The following TBC1D14 variants were observed in gnomAD, a reference collection of about 807,000 sequenced individuals.
The protein encoded by TBC1D14 is TBC1 domain family member 14, also known as TBC1 domain family, member 14.
A neutral mutation model predicts 79.0 loss-of-function variants in TBC1D14; 26 were observed. That is an observed-to-expected ratio of 0.33 (90% CI 0.24 to 0.46). The LOEUF is 0.46. Ranked by LOEUF, TBC1D14 falls within the 20% of genes least tolerant of loss-of-function variation. The pLI is 1.00. For missense variants in TBC1D14, 769 were observed against 887.6 expected, an observed-to-expected ratio of 0.87 and a Z score of 1.70; for synonymous variants, 394 against 349.9, an observed-to-expected ratio of 1.13 and a Z score of -1.40.
intron 3 of TBC1D14, among the ~76,000 whole-genome samples, chr4:6,982,680 A>G (rs1577119003): frequency 1.3e-5 from 2 of 152,362 alleles, no homozygotes; most frequent in South Asian, 2.1e-4. Context: ...ATACGCATAT[A>G]GGTGAAATGA....
At chr4:7,015,533 C>T (rs1012196381) in intron 12 of TBC1D14, among the ~76,000 whole-genome samples, 2 of 152,082 alleles carry the variant, frequency 1.3e-5, no homozygotes, top group Non-Finnish European at 2.9e-5. Context: ...GAGAGGTCTA[C>T]GCAGCAGCAT....
chr4:6,986,363 G>A (rs1577123937), intron 3 of TBC1D14, among the ~76,000 whole-genome samples: 1 of 152,190 alleles, frequency 6.6e-6, no homozygotes, highest in Admixed American at 6.5e-5. Context: ...AGTATGGTAG[G>A]GGATGCTGAA....
At chr4:7,004,669 CAATA>C (rs1719999741) in intron 7 of TBC1D14, among the ~76,000 whole-genome samples, 171 bp from the exon 8 acceptor site, 1 of 152,174 alleles carries the variant, frequency 6.6e-6, no homozygotes, top group African/African-American at 2.4e-5. Context: ...TGTCTTTAAA[CAATA>C]AAATTACTTT....
At chr4:7,011,348 G>T (rs951149815) in intron 11 of TBC1D14, among the ~76,000 whole-genome samples, 5 of 142,816 alleles carry the variant, frequency 3.5e-5, no homozygotes, top group African/African-American at 1.3e-4. Flanking sequence ...ACAGTGGGGG[G>T]TAGGGTTTAC....
rs1326384526 is a variant in TBC1D14 at position 6,923,873 on chromosome 4, C to G, written c.484C>G (p.Leu162Val). Residue 162 changes from leucine to valine, a missense_variant, in exon 2 of 14, where the codon CTT (leucine) becomes GTT (valine). Leu to Val is a conservative substitution (Grantham distance 32, BLOSUM62 1). Coordinates refer to ENST00000409757, the MANE Select transcript of TBC1D14 (RefSeq NM_020773.3). ...TGTCTCCGTCTGCAGCGTGTCCAGT[C>G]TTGGGACAGAGCTGTCCACCACGCT... is the stretch of plus-strand genomic sequence containing the variant. ...DDVSVCSVSSLGTELSTTLSV... is the reference protein window; with the variant it reads ...DDVSVCSVSSVGTELSTTLSV... The G allele has an allele frequency of 6.2e-7, 1 of 1,614,170 alleles. No homozygotes were observed. The highest frequency in any genetic ancestry group is 8.5e-7 in the Non-Finnish European group (1 of 1,180,048).
chr4:6,917,668 G>A (rs933276310), intron 1 of TBC1D14, among the ~76,000 whole-genome samples: 4 of 152,142 alleles, frequency 2.6e-5, no homozygotes, highest in Non-Finnish European at 5.9e-5. Flanking sequence ...AGGGCCCTGT[G>A]TGTCGGCTTG....
In TBC1D14 at chr4:6,999,180, A is replaced by T; in HGVS notation, c.1141A>T (p.Ile381Phe). The change falls in exon 6 of 14, where the codon ATC becomes TTC. Residue 381 changes from isoleucine (I) to phenylalanine (F), a missense_variant. This residue lies in a region of TBC1D14 where 367 missense variants were observed against 494.4 expected (regional missense o/e 0.74). Coordinates refer to ENST00000409757, the MANE Select transcript of TBC1D14 (RefSeq NM_020773.3). ...CGCTGTGCTCACCTGGAATAATGAGATCTTACCTAACTGGGAAACAATGTA... is the reference window on the plus strand; with the variant it reads ...CGCTGTGCTCACCTGGAATAATGAGTTCTTACCTAACTGGGAAACAATGTA... The part of the protein sequence containing the change: ...GNAVLTWNNE[I>F]LPNWETMWCS... 6.2e-7 allele frequency: 1 copy of T among 1,613,974 alleles called. No homozygotes were observed. Among genetic ancestry groups the T allele is most frequent in the Non-Finnish European group, 8.5e-7 (1 of 1,179,888 alleles).
chr4:6,933,475 T>C (rs1711993885), intron 2 of TBC1D14, among the ~76,000 whole-genome samples: 1 of 151,408 alleles, frequency 6.6e-6, no homozygotes, highest in South Asian at 2.1e-4. Flanking sequence ...CAGCTAACTT[T>C]TAAAATTTTT....
intron 2 of TBC1D14, among the ~76,000 whole-genome samples, chr4:6,944,875 C>T (rs1407282968): frequency 6.6e-6 from 1 of 152,192 alleles, no homozygotes; most frequent in African/African-American, 2.4e-5. Context: ...GGCATGCGTG[C>T]TCCTCTCCCG....
chr4:6,969,565 C>T (rs1478484962), intron 3 of TBC1D14, among the ~76,000 whole-genome samples: 1 of 152,168 alleles, frequency 6.6e-6, no homozygotes, highest in Non-Finnish European at 1.5e-5. Context: ...ACCACCGCGC[C>T]TGGCTAACTT....
At chr4:6,998,833 C>T in intron 5 of TBC1D14, 3 of 383,834 alleles carry the variant, frequency 7.8e-6, no homozygotes, top group Non-Finnish European at 1.4e-5. Flanking sequence ...GCCACCGCGC[C>T]TGGCCAACTG....
At chr4:6,950,927 TTC>T (rs1713980903) in intron 2 of TBC1D14, among the ~76,000 whole-genome samples, 1 of 152,210 alleles carries the variant, frequency 6.6e-6, no homozygotes, top group Non-Finnish European at 1.5e-5. Flanking sequence ...GAGTTCTACT[TTC>T]TGTTTTCTCA....
chr4:6,925,816 T>A (rs953800781), intron 2 of TBC1D14, among the ~76,000 whole-genome samples: 68 of 152,178 alleles, frequency 4.5e-4, no homozygotes, highest in African/African-American at 1.6e-3. Context: ...CTCAGACGAG[T>A]GTGTTCAACT....
At chr4:7,014,683 A>C in intron 12 of TBC1D14, 126 bp downstream of exon 12, 1 of 664,602 alleles carries the variant, frequency 1.5e-6, no homozygotes, top group South Asian at 1.7e-5. Context: ...GCCTTCCCTG[A>C]TGGCCCTGCC....
chr4:6,922,759 C>T (rs1007470212), intron 1 of TBC1D14, among the ~76,000 whole-genome samples: 2 of 152,126 alleles, frequency 1.3e-5, no homozygotes, highest in East Asian at 3.8e-4. Context: ...CCAACCGCCG[C>T]CCCCCAAGCC....
chr4:6,987,263 GGTCCGGGAGGGAGGGAGGGA>G, intron 3 of TBC1D14: 1 of 1,276,782 alleles, frequency 7.8e-7, no homozygotes, highest in Non-Finnish European at 9.9e-7. Context: ...GCCCGCCCGC[GGTCCGGGAGGGAGGGAGGGA>G]GGCCGGCCCT....
At chr4:7,000,028 A>G (rs1174851113) in intron 6 of TBC1D14, among the ~76,000 whole-genome samples, 3 of 152,110 alleles carry the variant, frequency 2.0e-5, no homozygotes, top group Non-Finnish European at 4.4e-5. Flanking sequence ...CTCTCGTCCC[A>G]CATGTCAGCA....
intron 12 of TBC1D14, among the ~76,000 whole-genome samples, chr4:7,019,394 C>T (rs1054129948): frequency 1.3e-5 from 2 of 152,232 alleles, no homozygotes; most frequent in Admixed American, 6.5e-5. Context: ...GCCTCTTGCA[C>T]TTGGGTCGTC....
intron 3 of TBC1D14, among the ~76,000 whole-genome samples, chr4:6,969,824 G>A (rs1376930756): frequency 3.3e-5 from 5 of 151,988 alleles, no homozygotes; most frequent in Non-Finnish European, 4.4e-5. Context: ...ATATTGCCAA[G>A]AGGAGGACCA....
Sources: gnomAD v4.1 joint callset for allele counts (sites outside exome capture counted in the v4.1 genomes callset) on GRCh38, gnomAD v4.1.1 for gene constraint, gnomAD v4.1.1 regional missense constraint, MANE v1.5 for transcripts, NCBI Gene and HGNC (gene_info 2026-07-23, HGNC 2026-07-21) for gene names.